The following SGCD variants were observed in gnomAD, a reference collection of about 807,000 sequenced individuals.
SGCD encodes the protein delta-sarcoglycan.
In SGCD, 18 loss-of-function variants were observed where a neutral mutation model predicts 36.6. The observed-to-expected ratio is 0.49, with a 90% CI of 0.34 to 0.73. SGCD has a LOEUF of 0.73. SGCD is among the 30% of genes least tolerant of loss of function. The pLI is 0.01. For missense variants in SGCD, 387 were observed against 346.7 expected (o/e 1.12, Z -0.92); for synonymous variants, 133 against 130.6 (o/e 1.02, Z -0.12).
At chr5:156,237,285 T>C (rs1324957281) in intron 3 of SGCD, among the ~76,000 whole-genome samples, 1 of 152,198 alleles carries the variant, frequency 6.6e-6, no homozygotes, top group Non-Finnish European at 1.5e-5. Context: ...CCTTGCACCT[T>C]ATTTATATGT....
chr5:156,296,397 AG>A (rs1766894251), intron 3 of SGCD, among the ~76,000 whole-genome samples: 1 of 152,206 alleles, frequency 6.6e-6, no homozygotes, highest in Non-Finnish European at 1.5e-5. Flanking sequence ...CATAAATTGT[AG>A]GAATTCACTA....
intron 4 of SGCD, among the ~76,000 whole-genome samples, chr5:156,586,150 G>A (rs901708342): frequency 6.6e-5 from 10 of 151,340 alleles, no homozygotes; most frequent in Admixed American, 6.6e-4. Flanking sequence ...ATCTCCCTAC[G>A]CTCTTGGCTG....
intron 1 of SGCD, among the ~76,000 whole-genome samples, chr5:155,989,686 G>A (rs1390064353): frequency 6.6e-6 from 1 of 152,066 alleles, no homozygotes; most frequent in Non-Finnish European, 1.5e-5. Context: ...AAATAATATA[G>A]CTTTCAATAA....
At chr5:156,456,445 CTTG>C (rs1211411476) in intron 3 of SGCD, among the ~76,000 whole-genome samples, 2 of 152,140 alleles carry the variant, frequency 1.3e-5, no homozygotes, top group Non-Finnish European at 2.9e-5. Context: ...TAAGACCATC[CTTG>C]TTGTAAAGTG....
chr5:156,693,212 G>C (rs142946077), intron 7 of SGCD, among the ~76,000 whole-genome samples: 25 of 152,302 alleles, frequency 1.6e-4, no homozygotes, highest in African/African-American at 5.3e-4. Flanking sequence ...AGCTGTGTTT[G>C]AAACTAGAGT....
intron 3 of SGCD, among the ~76,000 whole-genome samples, chr5:156,191,182 A>G (rs1404089540): frequency 1.3e-5 from 2 of 152,100 alleles, no homozygotes; most frequent in Non-Finnish European, 2.9e-5. Context: ...GGTTCCTAGT[A>G]TAATAATTAG....
At chr5:155,836,603 C>T in the SGCD span, among the ~76,000 whole-genome samples, 1 of 152,056 alleles carries the variant, frequency 6.6e-6, no homozygotes, top group Non-Finnish European at 1.5e-5. Flanking sequence ...TGCTCTCAAG[C>T]CCTGTACTGA....
At chr5:156,666,960 A>G (rs1190537374) in intron 7 of SGCD, among the ~76,000 whole-genome samples, 1 of 152,154 alleles carries the variant, frequency 6.6e-6, no homozygotes, top group Admixed American at 6.5e-5. Context: ...CTAATAATAA[A>G]TAAAAATTAA....
intron 1 of SGCD, among the ~76,000 whole-genome samples, chr5:156,044,217 G>A (rs1170206750): frequency 1.3e-5 from 2 of 152,146 alleles, no homozygotes; most frequent in East Asian, 1.9e-4. Flanking sequence ...ATTTCAGGTA[G>A]GAGGGAGTGA....
intron 3 of SGCD, among the ~76,000 whole-genome samples, chr5:156,407,925 G>A (rs1159284460): frequency 6.6e-6 from 1 of 152,170 alleles, no homozygotes; most frequent in African/African-American, 2.4e-5. Context: ...TTATGGTGTT[G>A]TCCTTAACAT....
intron 3 of SGCD, among the ~76,000 whole-genome samples, chr5:156,498,000 C>A (rs1031088086): frequency 6.6e-6 from 1 of 152,134 alleles, no homozygotes; most frequent in Non-Finnish European, 1.5e-5. Context: ...TTATTCAGCT[C>A]TGGCTTGCTT....
At chr5:156,591,488 A>T (rs953156591) in intron 5 of SGCD, among the ~76,000 whole-genome samples, 1 of 152,186 alleles carries the variant, frequency 6.6e-6, no homozygotes, top group Non-Finnish European at 1.5e-5. Flanking sequence ...AGCAGTGGAG[A>T]TGCTTTGGAC....
chr5:155,880,557 G>A (rs1302943959), intron 1 of SGCD, among the ~76,000 whole-genome samples: 1 of 152,002 alleles, frequency 6.6e-6, no homozygotes, highest in Non-Finnish European at 1.5e-5. Flanking sequence ...GAGTTACTGA[G>A]GTATGCTTTA....
chr5:155,986,306 T>C (rs1169480869), intron 1 of SGCD, among the ~76,000 whole-genome samples: 3 of 152,232 alleles, frequency 2.0e-5, no homozygotes, highest in South Asian at 4.1e-4. Context: ...TTTCAGTGCA[T>C]GTTAGCAAAT....
chr5:155,909,247 G>T (rs969406846), intron 1 of SGCD, among the ~76,000 whole-genome samples: 1 of 152,060 alleles, frequency 6.6e-6, no homozygotes, highest in African/African-American at 2.4e-5. Flanking sequence ...ATCATTAAGT[G>T]CCAGTAATAC....
intron 4 of SGCD, among the ~76,000 whole-genome samples, chr5:156,513,312 T>TAACCTCACATGATGCTCATG (rs751452347): frequency 3.5e-4 from 54 of 152,282 alleles, no homozygotes; most frequent in Middle Eastern, 3.4e-3. Flanking sequence ...TACTGAGTCA[T>TAACCTCACATGATGCTCATG]AACCTCACAT....
At chr5:156,735,276 G>C (rs1430603629) in intron 7 of SGCD, among the ~76,000 whole-genome samples, 1 of 152,154 alleles carries the variant, frequency 6.6e-6, no homozygotes, top group Non-Finnish European at 1.5e-5. Context: ...GGGACCTTCT[G>C]TGCTGGGGTA....
chr5:155,941,247 A>G (rs898465550), intron 1 of SGCD, among the ~76,000 whole-genome samples: 7 of 152,186 alleles, frequency 4.6e-5, no homozygotes, highest in African/African-American at 1.7e-4. Flanking sequence ...ACCTAACCAC[A>G]TCTTATTATG....
intron 1 of SGCD, among the ~76,000 whole-genome samples, chr5:155,956,800 C>G (rs1047913057): frequency 2.3e-5 from 3 of 131,912 alleles, no homozygotes; most frequent in Non-Finnish European, 3.4e-5. Flanking sequence ...ACTCAGGGCC[C>G]CCCCCCCCGG....
Sources: gnomAD v4.1 joint callset for allele counts (sites outside exome capture counted in the v4.1 genomes callset) on GRCh38, gnomAD v4.1.1 for gene constraint, MANE v1.5 for transcripts, NCBI Gene and HGNC (gene_info 2026-07-23, HGNC 2026-07-21) for gene names.